The following KLHL1 variants were observed in gnomAD, a reference collection of about 807,000 sequenced individuals.
The protein encoded by KLHL1 is kelch-like protein 1.
A neutral mutation model predicts 77.7 loss-of-function variants in KLHL1; 47 were observed. The observed-to-expected ratio is 0.60, with a 90% CI of 0.48 to 0.77. KLHL1 has a LOEUF of 0.77. Among genes scored for constraint, KLHL1 ranks in the 30% least tolerant of loss-of-function variants. The probability of loss-of-function intolerance (pLI) is 0.00; values close to 1 mark genes in which losing one functional copy is unlikely to be tolerated. For missense variants in KLHL1, 925 were observed against 910.8 expected (o/e 1.02, Z -0.20); for synonymous variants, 360 against 325.2 (o/e 1.11, Z -1.15).
chr13:69,735,547 T>C (rs570581421), intron 8 of KLHL1, among the ~76,000 whole-genome samples: 1 of 149,384 alleles, frequency 6.7e-6, no homozygotes, highest in East Asian at 2.0e-4. Flanking sequence ...ATGTAATTAT[T>C]AATGTATAAA....
intron 1 of KLHL1, among the ~76,000 whole-genome samples, chr13:69,993,285 G>T (rs1351551106): frequency 6.6e-6 from 1 of 152,048 alleles, no homozygotes; most frequent in African/African-American, 2.4e-5. Flanking sequence ...TAAACAGCAT[G>T]CAGTTTATAT....
chr13:70,018,649 G>A (rs1320285156), intron 1 of KLHL1, among the ~76,000 whole-genome samples: 1 of 151,540 alleles, frequency 6.6e-6, no homozygotes, highest in Admixed American at 6.6e-5. Flanking sequence ...TTGTTAAAAC[G>A]TGGAGTTAAA....
At chr13:70,087,136 C>T (rs1291437665) in intron 1 of KLHL1, among the ~76,000 whole-genome samples, 2 of 152,158 alleles carry the variant, frequency 1.3e-5, no homozygotes, top group African/African-American at 2.4e-5. Flanking sequence ...ACAGAAACTA[C>T]TGTAAGTGAA....
chr13:69,815,075 AGAG>A (rs1317753932), intron 6 of KLHL1, among the ~76,000 whole-genome samples: 1 of 152,202 alleles, frequency 6.6e-6, no homozygotes, highest in East Asian at 1.9e-4. Flanking sequence ...AAGATTATGA[AGAG>A]AAGGGAATGC....
chr13:69,812,623 GA>G (rs1300357269), intron 6 of KLHL1, among the ~76,000 whole-genome samples: 1 of 151,554 alleles, frequency 6.6e-6, no homozygotes, highest in Non-Finnish European at 1.5e-5. Flanking sequence ...AAATTTACAA[GA>G]AAAAAACAAA....
intron 5 of KLHL1, among the ~76,000 whole-genome samples, chr13:69,853,680 G>C (rs56752911): frequency 3.0e-4 from 45 of 152,106 alleles, no homozygotes; most frequent in Non-Finnish European, 2.9e-5. Flanking sequence ...AATACAGTAA[G>C]TTTCTTATCA....
Position 70,107,677 on chromosome 13 carries a change from T to C in KLHL1, c.23A>G (p.Asp8Gly), listed in dbSNP as rs754369885. The stretch of plus-strand genomic sequence containing the variant: ...TCGCAGAATGTGCTTCACATCGAAG[T>C]CTTTTCGCCCAGAGCCTGACATGCT... MSGSGRK[D>G]FDVKHILRLR... The change falls in exon 1 of 11, where the codon GAC becomes GGC. Residue 8 changes from aspartate (D) to glycine (G), a missense_variant. Physicochemically the swap from Asp to Gly is moderately conservative, Grantham distance 94. Transcript: ENST00000377844. 1 of 1,533,220 alleles carries C rather than the reference T, an allele frequency of 6.5e-7. No homozygotes were observed. Among genetic ancestry groups the C allele is most frequent in the Non-Finnish European group, 8.7e-7 (1 of 1,144,672 alleles). The allele number at this position is 1,533,220 out of a possible 1,614,324, so 95.0% of individuals were successfully genotyped here.
chr13:69,841,786 G>A (rs1879270947), intron 5 of KLHL1, among the ~76,000 whole-genome samples: 1 of 151,652 alleles, frequency 6.6e-6, no homozygotes, highest in South Asian at 2.1e-4. Context: ...CAAAACTGGA[G>A]GTATCACATT....
Position 70,088,389 on chromosome 13 carries a change from A to T in KLHL1, c.497+18814T>A, listed in dbSNP as rs554447256. ...TTTTATCCAAAATATATACAAATAT[A>T]AAAAAAAAGGCCAGGTGTGGTGGCT... On this transcript the variant is annotated intron_variant, in intron 1 of 10. Coordinates refer to ENST00000377844, the MANE Select transcript of KLHL1 (RefSeq NM_020866.3). Among the ~76,000 whole-genome samples, 10 of 70,706 alleles carry T rather than the reference A, an allele frequency of 1.4e-4. No homozygotes were observed. In the East Asian group the frequency reaches 1.7e-3, roughly 12 times the overall value. The allele number at this position is 70,706 out of a possible 152,430, so 46.4% of individuals were successfully genotyped here.
intron 7 of KLHL1, among the ~76,000 whole-genome samples, chr13:69,760,129 A>G (rs1383288422): frequency 2.0e-5 from 3 of 152,154 alleles, no homozygotes; most frequent in Non-Finnish European, 4.4e-5. Flanking sequence ...TTTTTAACTT[A>G]GTTTCTGATC....
chr13:70,100,605 T>C (rs778622998), intron 1 of KLHL1, among the ~76,000 whole-genome samples: 1 of 152,254 alleles, frequency 6.6e-6, no homozygotes, highest in African/African-American at 2.4e-5. Context: ...AGTGCTGGAA[T>C]TACAGGCATC....
At chr13:69,947,604 T>A (rs887324763) in intron 3 of KLHL1, among the ~76,000 whole-genome samples, 1 of 152,084 alleles carries the variant, frequency 6.6e-6, no homozygotes, top group Non-Finnish European at 1.5e-5. Flanking sequence ...TAGAATAATA[T>A]TTTTATTTAT....
chr13:69,815,341 G>T (rs1478526197), intron 6 of KLHL1, among the ~76,000 whole-genome samples: 1 of 152,098 alleles, frequency 6.6e-6, no homozygotes, highest in Non-Finnish European at 1.5e-5. Flanking sequence ...AAGAAAATGT[G>T]GTACATATAC....
intron 7 of KLHL1, among the ~76,000 whole-genome samples, chr13:69,776,129 C>T (rs1875818493): frequency 6.6e-6 from 1 of 151,466 alleles, no homozygotes; most frequent in African/African-American, 2.4e-5. Context: ...GCACTCCAGC[C>T]TGGGCGACAG....
chr13:70,036,819 A>AT (rs149501004), intron 1 of KLHL1, among the ~76,000 whole-genome samples: 2,403 of 84,588 alleles, frequency 0.028, 73 homozygotes, highest in African/African-American at 0.098. Flanking sequence ...CTTGGGTTTG[A>AT]TTTTAATGCC....
chr13:69,917,121 G>T (rs117242842), intron 4 of KLHL1, among the ~76,000 whole-genome samples: 2 of 151,714 alleles, frequency 1.3e-5, no homozygotes, highest in African/African-American at 4.8e-5. Flanking sequence ...TGTGGGGAGC[G>T]CTTGAAGAAA....
chr13:70,062,494 C>T (rs1256150957), intron 1 of KLHL1, among the ~76,000 whole-genome samples: 1 of 152,154 alleles, frequency 6.6e-6, no homozygotes, highest in Non-Finnish European at 1.5e-5. Context: ...TTAAATAAAA[C>T]TTCAAATGTT....
chr13:70,011,567 C>T (rs958228761), intron 1 of KLHL1, among the ~76,000 whole-genome samples: 1 of 152,060 alleles, frequency 6.6e-6, no homozygotes, highest in Non-Finnish European at 1.5e-5. Flanking sequence ...AGCCATCAAC[C>T]TTGGCTATTT....
At chr13:69,792,435 C>G (rs921802405) in intron 7 of KLHL1, among the ~76,000 whole-genome samples, 1 of 152,108 alleles carries the variant, frequency 6.6e-6, no homozygotes, top group Non-Finnish European at 1.5e-5. Flanking sequence ...AACTGATACC[C>G]TTATACGTTG....
Sources: gnomAD v4.1 joint callset for allele counts (sites outside exome capture counted in the v4.1 genomes callset) on GRCh38, gnomAD v4.1.1 for gene constraint, MANE v1.5 for transcripts, NCBI Gene and HGNC (gene_info 2026-07-23, HGNC 2026-07-21) for gene names.